CNOT11: variants seen among roughly 807,000 people sequenced by gnomAD.
CNOT11 encodes the protein UPF0760 protein C2orf29.
CNOT11 carries 18 observed loss-of-function variants against 44.6 expected under a neutral mutation model. The observed-to-expected ratio is 0.40, with a 90% CI of 0.28 to 0.60. The LOEUF (loss-of-function observed/expected upper bound fraction) is 0.60, where lower values mean the gene tolerates loss of function less well. Ranked by LOEUF, CNOT11 falls within the 20% of genes least tolerant of loss-of-function variation. The probability of loss-of-function intolerance (pLI) is 0.38; values close to 1 mark genes in which losing one functional copy is unlikely to be tolerated. For missense variants in CNOT11, 513 were observed against 677.0 expected (o/e 0.76, Z 2.69); for synonymous variants, 291 against 270.9 (o/e 1.07, Z -0.73).
In CNOT11 at chr2:101,253,142, A is replaced by G; in HGVS notation, c.178A>G (p.Arg60Gly). ...GSGGPGGPAG[R>G]MSLTPKELSS... is the part of the protein sequence containing the mutation. Reference sequence around the variant, plus strand: ...CGGAGGCCCGGGGGGCCCCGCGGGCAGGATGAGCTTGACCCCGAAGGAGCT... The same window carrying G: ...CGGAGGCCCGGGGGGCCCCGCGGGCGGGATGAGCTTGACCCCGAAGGAGCT... Residue 60 changes from arginine (R) to glycine (G), a missense_variant, in exon 1 of 7, where the codon AGG (arginine) becomes GGG (glycine). Physicochemically the swap from Arg to Gly is moderately radical, Grantham distance 125 (BLOSUM62 -2). Coordinates refer to ENST00000289382, the MANE Select transcript of CNOT11 (RefSeq NM_017546.5). The surrounding 1 kb of genome is among the most constrained non-coding windows in gnomAD (Gnocchi z 4.3). The G allele has an allele frequency of 1.3e-6, 2 of 1,562,068 alleles. No individual in the cohort carries two copies. The highest frequency in any genetic ancestry group is 1.7e-6 in the Non-Finnish European group (2 of 1,160,328).
At position 101,257,783 on chromosome 2, in the gene CNOT11, G is replaced by T; in HGVS notation, c.515-8G>T. On this transcript the variant is annotated splice_polypyrimidine_tract_variant and splice_region_variant and intron_variant, in intron 1 of 6. Coordinates refer to ENST00000289382, the MANE Select transcript of CNOT11 (RefSeq NM_017546.5). Reference sequence around the variant, plus strand: ...ATTGGAGAAATCGTTATACATTTTTGTTTGCAGGATTTTTACCTCCTATAA... The same window carrying T: ...ATTGGAGAAATCGTTATACATTTTTTTTTGCAGGATTTTTACCTCCTATAA... 1 of 1,599,962 alleles carries T rather than the reference G, an allele frequency of 6.3e-7. No individual in the cohort carries two copies. The highest frequency in any genetic ancestry group is 8.5e-7 in the Non-Finnish European group (1 of 1,172,762).
chr2:101,259,195 T>C (rs1166059572), intron 2 of CNOT11, among the ~76,000 whole-genome samples: 1 of 152,188 alleles, frequency 6.6e-6, no homozygotes, highest in Non-Finnish European at 1.5e-5. Context: ...CATTTGCCCA[T>C]ATATGCAAGG....
intron 2 of CNOT11, among the ~76,000 whole-genome samples, chr2:101,261,832 G>GTTTC (rs1349841606): frequency 6.5e-5 from 9 of 138,468 alleles, no homozygotes; most frequent in Admixed American, 3.7e-4. Flanking sequence ...TTTCCTGTTG[G>GTTTC]TTTCTTTCTT....
chr2:101,266,891 G>C lies in CNOT11; in HGVS notation c.1238+12G>C. 2 of 1,598,704 alleles carry C rather than the reference G, an allele frequency of 1.3e-6. No homozygotes were observed. Among genetic ancestry groups the C allele is most frequent in the Non-Finnish European group, 1.7e-6 (2 of 1,166,240 alleles). On this transcript the variant is annotated intron_variant, in intron 5 of 6. Transcript: ENST00000289382. ...GAAGTTGTAAATCGGTAAGTTTCTA[G>C]ATTTGATCAAATGTGTGGGGATAGA...
intron 5 of CNOT11, among the ~76,000 whole-genome samples, chr2:101,267,234 T>C (rs908176054): frequency 1.3e-5 from 2 of 152,166 alleles, no homozygotes; most frequent in Admixed American, 6.5e-5. Context: ...GCAATTCTCC[T>C]GCCTTAGCCG....
chr2:101,256,460 A>C (rs1405656795), intron 1 of CNOT11, among the ~76,000 whole-genome samples: 1 of 152,138 alleles, frequency 6.6e-6, no homozygotes, highest in African/African-American at 2.4e-5. Flanking sequence ...CGTGGGGACT[A>C]CATCTGAGGG....
At chr2:101,257,532 C>T (rs1218753943) in intron 1 of CNOT11, among the ~76,000 whole-genome samples, 1 of 151,948 alleles carries the variant, frequency 6.6e-6, no homozygotes, top group South Asian at 2.1e-4. Flanking sequence ...TTTTGTGTTT[C>T]TTTCCTCTTT....
At position 101,253,306 on chromosome 2, in the gene CNOT11, G is replaced by T. The variant is rs9973589; in HGVS notation, c.342G>T (p.Gln114His). 1.2e-6 allele frequency: 2 copies of T among 1,609,808 alleles called. No individual in the cohort carries two copies. The highest frequency in any genetic ancestry group is 8.5e-7 in the Non-Finnish European group (1 of 1,179,432). ...LGSVLVMLLQQPDLLPSAAQR... is the reference protein window; with the variant it reads ...LGSVLVMLLQHPDLLPSAAQR... ...CGGTGCTCGTCATGCTGCTCCAGCA[G>T]CCCGACCTGCTGCCTAGCGCGGCGC... is the stretch of plus-strand genomic sequence containing the variant. Residue 114 changes from glutamine (Q) to histidine (H), a missense_variant, in exon 1 of 7, where the codon CAG becomes CAT. Around this residue, in one of 4 missense-constraint regions of CNOT11, gnomAD observed 259 missense variants for 265.7 expected, o/e 0.97. Coordinates refer to ENST00000289382, the MANE Select transcript of CNOT11 (RefSeq NM_017546.5). The surrounding 1 kb of genome is among the most constrained non-coding windows in gnomAD (Gnocchi z 4.3).
In CNOT11 at chr2:101,253,018, G is replaced by C; in HGVS notation, c.54G>C (p.Glu18Asp). The change falls in exon 1 of 7, where the codon GAG (glutamate) becomes GAC (aspartate). Residue 18 changes from glutamate to aspartate, a missense_variant. Physicochemically the swap from Glu to Asp is conservative, Grantham distance 45. Around this residue, in one of 4 missense-constraint regions of CNOT11, gnomAD observed 259 missense variants for 265.7 expected, o/e 0.97. Coordinates refer to ENST00000289382, the MANE Select transcript of CNOT11 (RefSeq NM_017546.5). The surrounding 1 kb of genome is among the most constrained non-coding windows in gnomAD (Gnocchi z 4.3). ...CTGGCCGGCTTCTCACCGCCGCGGA[G>C]CAAAGAGGGTCCCGGGAAGCGGCAG... is the stretch of plus-strand genomic sequence containing the variant. ...AASGRLLTAA[E>D]QRGSREAAGS... The C allele has an allele frequency of 1.3e-6, 2 of 1,511,418 alleles. No individual in the cohort carries two copies. The highest frequency in any genetic ancestry group is 2.4e-5 in the South Asian group (2 of 81,878). 93.6% of individuals were successfully genotyped at this position (1,511,418 alleles called of 1,614,324 possible).
At chr2:101,259,963 C>T (rs1242507171) in intron 2 of CNOT11, among the ~76,000 whole-genome samples, 1 of 152,128 alleles carries the variant, frequency 6.6e-6, no homozygotes, top group African/African-American at 2.4e-5. Flanking sequence ...ATAAGAGGAT[C>T]ACTTGATCCT....
Position 101,270,127 on chromosome 2 carries a change from T to G in CNOT11, c.*714T>G, listed in dbSNP as rs1419178618. ...CTGTTATTAGTCTGAGACAGCCATT[T>G]TTTTGTTTTAAGGAAAAATATCAGT... On this transcript the variant is annotated 3_prime_UTR_variant, in exon 7 of 7. Coordinates refer to ENST00000289382, the MANE Select transcript of CNOT11 (RefSeq NM_017546.5). 6.6e-6 allele frequency: 1 copy of G among 152,580 alleles called. No homozygotes were observed. Among genetic ancestry groups the G allele is most frequent in the African/African-American group, 2.4e-5 (1 of 41,426 alleles). The allele number at this position is 152,580 out of a possible 1,614,324, so 9.5% of individuals were successfully genotyped here.
In CNOT11 at chr2:101,262,348, G is replaced by A. The variant is rs949545427; in HGVS notation, c.680-191G>A. On this transcript the variant is annotated intron_variant, in intron 2 of 6. Coordinates refer to ENST00000289382, the MANE Select transcript of CNOT11 (RefSeq NM_017546.5). ...TTTGTTACACGTCACTTCACTTAGT[G>A]GCAGATTCCAAGAACCTTTCAACAA... 12 of 524,290 alleles carry A rather than the reference G, an allele frequency of 2.3e-5. No homozygotes were observed. In the Admixed American group the frequency reaches 4.0e-4, roughly 17 times the overall value. 32.5% of individuals were successfully genotyped at this position (524,290 alleles called of 1,614,324 possible).
intron 3 of CNOT11, among the ~76,000 whole-genome samples, chr2:101,263,065 TAAA>T (rs1370686934): frequency 6.6e-6 from 1 of 151,920 alleles, no homozygotes; most frequent in Non-Finnish European, 1.5e-5. Flanking sequence ...CTACTAAAAA[TAAA>T]AAATTAGCCG....
intron 4 of CNOT11, among the ~76,000 whole-genome samples, chr2:101,265,395 T>C (rs759812856): frequency 1.2e-4 from 18 of 152,214 alleles, no homozygotes; most frequent in Non-Finnish European, 2.6e-4. Flanking sequence ...TACCCAGCCA[T>C]TGTGAGCATT....
intron 4 of CNOT11, 30 bp downstream of exon 4, chr2:101,265,077 C>CTT: frequency 3.0e-6 from 4 of 1,328,456 alleles, no homozygotes; most frequent in South Asian, 1.7e-5. Flanking sequence ...ATTTTCTTAT[C>CTT]TTTTTTTTTA....
chr2:101,264,713 T>G (rs1681940285), intron 3 of CNOT11, 132 bp from the exon 4 acceptor site: 2 of 691,202 alleles, frequency 2.9e-6, no homozygotes, highest in Non-Finnish European at 4.9e-6. Context: ...GCTTCTGATT[T>G]TGAAGTATGA....
chr2:101,253,392 A>G lies in CNOT11; in HGVS notation c.428A>G (p.Asn143Ser), dbSNP rs776804988. Reference protein sequence around the residue: ...EMYRTEPLAANPFAASFAHLL... With the variant: ...EMYRTEPLAASPFAASFAHLL... ...TACCGCACCGAGCCGCTGGCCGCCA[A>G]CCCCTTCGCCGCCAGCTTCGCGCAC... The change falls in exon 1 of 7, where the codon AAC becomes AGC. Residue 143 changes from asparagine to serine, a missense_variant. Transcript: ENST00000289382. The surrounding 1 kb of genome is among the most constrained non-coding windows in gnomAD (Gnocchi z 4.3). 10 of 1,589,670 alleles carry G rather than the reference A, an allele frequency of 6.3e-6. No individual in the cohort carries two copies. Among genetic ancestry groups the G allele is most frequent in the Non-Finnish European group, 7.7e-6 (9 of 1,175,128 alleles).
intron 1 of CNOT11, among the ~76,000 whole-genome samples, chr2:101,255,861 G>C (rs1225882237): frequency 6.6e-6 from 1 of 152,160 alleles, no homozygotes; most frequent in East Asian, 1.9e-4. Context: ...TGTAAGGCCG[G>C]GTGTGGTAGC....
intron 4 of CNOT11, among the ~76,000 whole-genome samples, chr2:101,266,060 A>G (rs1473916088): frequency 2.0e-5 from 3 of 152,252 alleles, no homozygotes; most frequent in Non-Finnish European, 4.4e-5. Context: ...GACGGGGGAA[A>G]AAAAGCATAG....
Sources: allele counts gnomAD v4.1 joint callset (sites outside exome capture counted in the v4.1 genomes callset), GRCh38; gene constraint gnomAD v4.1.1; regional missense constraint gnomAD v4.1.1; non-coding constraint Gnocchi (gnomAD v3.1); transcripts MANE v1.5; gene names NCBI Gene and HGNC (gene_info 2026-07-23, HGNC 2026-07-21).